The following CNTNAP2 variants were observed in gnomAD, a reference collection of about 807,000 sequenced individuals.
CNTNAP2 encodes contactin-associated protein-like 2.
CNTNAP2 carries 98 observed loss-of-function variants against 155.2 expected under a neutral mutation model. The observed-to-expected ratio is 0.63, with a 90% confidence interval of 0.54 to 0.75. CNTNAP2 has a LOEUF of 0.75. CNTNAP2 is among the 30% of genes least tolerant of loss of function. The pLI, the probability that CNTNAP2 is intolerant of heterozygous loss-of-function variation, is 0.00. For missense variants in CNTNAP2, 1,727 were observed against 1,688.1 expected (o/e 1.02, Z -0.40); for synonymous variants, 651 against 631.2 (o/e 1.03, Z -0.47).
chr7:148,128,393 A>C (rs547119951), intron 16 of CNTNAP2, among the ~76,000 whole-genome samples: 1 of 152,322 alleles, frequency 6.6e-6, no homozygotes, highest in East Asian at 1.9e-4. Flanking sequence ...TAATAACAAC[A>C]CTTGTGATTA....
At chr7:146,842,166 C>A (rs1283995556) in intron 3 of CNTNAP2, among the ~76,000 whole-genome samples, 3 of 152,004 alleles carry the variant, frequency 2.0e-5, no homozygotes, top group African/African-American at 4.8e-5. Flanking sequence ...GGATTCCAGG[C>A]GTGAGCCACT....
At chr7:147,282,280 A>G (rs1191185385) in intron 8 of CNTNAP2, among the ~76,000 whole-genome samples, 1 of 151,924 alleles carries the variant, frequency 6.6e-6, no homozygotes, top group Non-Finnish European at 1.5e-5. Flanking sequence ...GACCAGCCAC[A>G]TGAAACTCCT....
At chr7:148,123,616 A>T (rs887586671) in intron 16 of CNTNAP2, among the ~76,000 whole-genome samples, 27 of 147,540 alleles carry the variant, frequency 1.8e-4, no homozygotes, top group African/African-American at 6.7e-4. Flanking sequence ...GAAGGAAGGG[A>T]GACAAGGAAG....
At chr7:147,276,215 T>G (rs1313278569) in intron 8 of CNTNAP2, among the ~76,000 whole-genome samples, 7 of 126,782 alleles carry the variant, frequency 5.5e-5, no homozygotes. Context: ...AAAGAATGCC[T>G]CCTCCTTAAT....
At chr7:146,431,100 A>G (rs1393701098) in intron 1 of CNTNAP2, among the ~76,000 whole-genome samples, 2 of 152,016 alleles carry the variant, frequency 1.3e-5, no homozygotes, top group Non-Finnish European at 2.9e-5. Flanking sequence ...AAGAGGAGGT[A>G]AAAGTTTGTT....
chr7:147,048,903 G>A (rs943539411), intron 4 of CNTNAP2, among the ~76,000 whole-genome samples: 7 of 152,084 alleles, frequency 4.6e-5, no homozygotes, highest in Admixed American at 6.5e-5. Context: ...TAATCATCCT[G>A]AAAACTGTCT....
At chr7:148,006,067 A>G (rs747351953) in intron 15 of CNTNAP2, among the ~76,000 whole-genome samples, 8 of 152,118 alleles carry the variant, frequency 5.3e-5, no homozygotes, top group Non-Finnish European at 1.2e-4. Flanking sequence ...AAATGGACAC[A>G]ATATAGAACA....
chr7:147,522,869 G>A (rs970211652), intron 11 of CNTNAP2, among the ~76,000 whole-genome samples: 8 of 151,636 alleles, frequency 5.3e-5, no homozygotes, highest in Non-Finnish European at 1.0e-4. Flanking sequence ...ATATGCCTGG[G>A]AATACAATAT....
At chr7:148,135,048 T>C (rs761422577) in intron 16 of CNTNAP2, among the ~76,000 whole-genome samples, 1 of 151,994 alleles carries the variant, frequency 6.6e-6, no homozygotes, top group Non-Finnish European at 1.5e-5. Flanking sequence ...ATAACAATAT[T>C]TTTTTTTCAA....
intron 1 of CNTNAP2, among the ~76,000 whole-genome samples, chr7:146,318,334 A>G (rs964081504): frequency 2.0e-5 from 3 of 152,162 alleles, no homozygotes; most frequent in African/African-American, 7.2e-5. Flanking sequence ...AAAAGCTTTC[A>G]TCTTAAAACA....
At chr7:146,430,523 C>T (rs1324747199) in intron 1 of CNTNAP2, among the ~76,000 whole-genome samples, 1 of 151,974 alleles carries the variant, frequency 6.6e-6, no homozygotes, top group Non-Finnish European at 1.5e-5. Context: ...CAGACATTCT[C>T]TTCATTTTAT....
chr7:148,070,704 C>T (rs1803364525), intron 15 of CNTNAP2, among the ~76,000 whole-genome samples: 1 of 152,006 alleles, frequency 6.6e-6, no homozygotes, highest in Admixed American at 6.6e-5. Context: ...GGTGACAGAG[C>T]GAGACTCCTT....
At chr7:147,789,044 A>C (rs1460833646) in intron 13 of CNTNAP2, among the ~76,000 whole-genome samples, 1 of 150,926 alleles carries the variant, frequency 6.6e-6, no homozygotes, top group Non-Finnish European at 1.5e-5. Context: ...AGCTGGGATT[A>C]CAGGCATGCA....
intron 1 of CNTNAP2, among the ~76,000 whole-genome samples, chr7:146,729,674 C>T (rs539990076): frequency 6.6e-6 from 1 of 151,932 alleles, no homozygotes; most frequent in Non-Finnish European, 1.5e-5. Flanking sequence ...ATTACTATCC[C>T]TTATGATCAC....
intron 18 of CNTNAP2, among the ~76,000 whole-genome samples, chr7:148,188,297 C>G (rs1331323612): frequency 6.6e-6 from 1 of 152,158 alleles, no homozygotes; most frequent in Non-Finnish European, 1.5e-5. Flanking sequence ...AATACCATCT[C>G]TTTAATACCT....
chr7:147,914,269 G>T (rs1404273846), intron 14 of CNTNAP2, among the ~76,000 whole-genome samples: 1 of 152,060 alleles, frequency 6.6e-6, no homozygotes, highest in Admixed American at 6.6e-5. Flanking sequence ...GGCTGGTCGT[G>T]GTGGCTCACG....
chr7:146,337,613 A>G (rs1338293308), intron 1 of CNTNAP2, among the ~76,000 whole-genome samples: 1 of 147,398 alleles, frequency 6.8e-6, no homozygotes, highest in Non-Finnish European at 1.5e-5. Flanking sequence ...AATATGGCAC[A>G]TACCTGGCTT....
At chr7:148,076,147 G>A (rs772659906) in intron 15 of CNTNAP2, among the ~76,000 whole-genome samples, 4 of 152,146 alleles carry the variant, frequency 2.6e-5, no homozygotes, top group Non-Finnish European at 5.9e-5. Context: ...ATGTCTTCAG[G>A]AAGTCTACAG....
chr7:147,085,409 G>A (rs1800254609), intron 4 of CNTNAP2, among the ~76,000 whole-genome samples: 1 of 152,036 alleles, frequency 6.6e-6, no homozygotes. Flanking sequence ...ATTCTCATAG[G>A]AGCACTAACC....
Sources: allele counts gnomAD v4.1 joint callset (sites outside exome capture counted in the v4.1 genomes callset), GRCh38; gene constraint gnomAD v4.1.1; transcripts MANE v1.5; gene names NCBI Gene and HGNC (gene_info 2026-07-23, HGNC 2026-07-21).